MYO5B: variants seen among roughly 807,000 people sequenced by gnomAD.
MYO5B encodes unconventional myosin-Vb.
MYO5B carries 143 observed loss-of-function variants against 229.3 expected under a neutral mutation model. The ratio of observed to expected loss-of-function variants is 0.62; its 90% CI spans 0.54 to 0.72. The LOEUF is 0.72. MYO5B is among the 30% of genes least tolerant of loss of function. The probability of loss-of-function intolerance (pLI) is 0.00; values close to 1 mark genes in which losing one functional copy is unlikely to be tolerated. For missense variants in MYO5B, 2,321 were observed against 2,331.0 expected, an observed-to-expected ratio of 1.00 and a Z score of 0.09; for synonymous variants, 918 against 885.2, an observed-to-expected ratio of 1.04 and a Z score of -0.66.
intron 1 of MYO5B, among the ~76,000 whole-genome samples, chr18:50,121,117 G>T (rs985613456): frequency 6.6e-6 from 1 of 152,122 alleles, no homozygotes; most frequent in Non-Finnish European, 1.5e-5. Context: ...CCTAGTGTGG[G>T]TTCCTCCTCT....
intron 1 of MYO5B, among the ~76,000 whole-genome samples, chr18:50,059,987 G>C (rs1211001276): frequency 2.0e-5 from 3 of 152,312 alleles, no homozygotes; most frequent in African/African-American, 4.8e-5. Flanking sequence ...GACCACAGTA[G>C]CTGGGAACGA....
chr18:50,190,899 C>CATTT (rs1236674193), intron 1 of MYO5B, among the ~76,000 whole-genome samples: 1 of 152,148 alleles, frequency 6.6e-6, no homozygotes, highest in Non-Finnish European at 1.5e-5. Flanking sequence ...ATGCTGTTAG[C>CATTT]ATAATGGGTA....
intron 1 of MYO5B, among the ~76,000 whole-genome samples, chr18:50,145,295 G>C (rs759715008): frequency 3.3e-5 from 5 of 151,908 alleles, no homozygotes; most frequent in Non-Finnish European, 7.4e-5. Flanking sequence ...AGACCATCCT[G>C]GCTAACACAG....
At chr18:50,011,999 G>A (rs894436479) in intron 4 of MYO5B, among the ~76,000 whole-genome samples, 60 of 152,178 alleles carry the variant, frequency 3.9e-4, no homozygotes, top group African/African-American at 1.4e-3. Context: ...AAGAGGCAAC[G>A]CTGACTGCAG....
At chr18:50,122,633 GGGAGAGAGAGAGAGAGAGAGAGA>G (rs1380702319) in intron 1 of MYO5B, among the ~76,000 whole-genome samples, 6 of 53,792 alleles carry the variant, frequency 1.1e-4, no homozygotes, top group African/African-American at 3.0e-4. Context: ...GGAAGGGGGG[GGGAGAGAGAGAGAGAGAGAGAGA>G]GAGAGAGAGA....
At chr18:50,130,452 G>A (rs111244865) in intron 1 of MYO5B, among the ~76,000 whole-genome samples, 104 of 152,276 alleles carry the variant, frequency 6.8e-4, no homozygotes, top group African/African-American at 2.3e-3. Flanking sequence ...GGTAGCTTCT[G>A]GAGGTTACCC....
chr18:49,865,551 A>G (rs1178514276), intron 27 of MYO5B, among the ~76,000 whole-genome samples: 2 of 152,164 alleles, frequency 1.3e-5, no homozygotes, highest in Admixed American at 1.3e-4. Context: ...CCAGTGTCAC[A>G]TGCTAGAGGA....
chr18:49,895,007 C>G lies in MYO5B; in HGVS notation c.2979G>C (p.Gln993His). The change falls in exon 22 of 40, where the codon CAG becomes CAC. Residue 993 changes from glutamine to histidine, a missense_variant. This residue lies in a region of MYO5B where 2,113 missense variants were observed against 2,044.7 expected (regional missense o/e 1.03). Transcript: ENST00000285039. Reference sequence around the variant, plus strand: ...AGATCTTGCGCTCCGAGTGGGCCCTCTGCAGCTCTGTGCGCAGGCTCTCCA... The same window carrying G: ...AGATCTTGCGCTCCGAGTGGGCCCTGTGCAGCTCTGTGCGCAGGCTCTCCA... Reference protein sequence around the residue: ...EEVESLRTELQRAHSERKILE... With the variant: ...EEVESLRTELHRAHSERKILE... 1.9e-6 allele frequency: 3 copies of G among 1,613,958 alleles called. No individual in the cohort carries two copies. Among genetic ancestry groups the G allele is most frequent in the South Asian group, 1.1e-5 (1 of 91,084 alleles).
chr18:50,188,164 T>C (rs8091290), intron 1 of MYO5B, among the ~76,000 whole-genome samples: 78,022 of 152,030 alleles, frequency 0.51, 20,191 homozygotes, highest in Admixed American at 0.59. Context: ...ATTATCCCCA[T>C]ATACATCTAG....
At chr18:49,875,374 C>T (rs1038166977) in intron 26 of MYO5B, among the ~76,000 whole-genome samples, 7 of 152,162 alleles carry the variant, frequency 4.6e-5, no homozygotes, top group South Asian at 4.1e-4. Flanking sequence ...GCTGTATTTA[C>T]ACTCTTATTA....
At chr18:49,835,310 C>T (rs777819117) in intron 39 of MYO5B, 34 bp downstream of exon 39, 1 of 1,486,260 alleles carries the variant, frequency 6.7e-7, no homozygotes, top group South Asian at 1.1e-5. Flanking sequence ...TAGTCGTAGA[C>T]TGGACTTTAT....
In MYO5B at chr18:49,937,343, T is replaced by C. The variant is rs201639239; in HGVS notation, c.1807A>G (p.Thr603Ala). The change falls in exon 15 of 40, where the codon ACC becomes GCC. Residue 603 changes from threonine (T) to alanine (A), a missense_variant. By Grantham distance (58) the Thr-to-Ala change is moderately conservative. This residue lies in a region of MYO5B where 2,113 missense variants were observed against 2,044.7 expected (regional missense o/e 1.03). Coordinates refer to ENST00000285039, the MANE Select transcript of MYO5B (RefSeq NM_001080467.3). ...TTCGAAGATGACCCCTTCCCAGGGG[T>C]GGTGGCAGGAACAGGGTCCTTGTCA... ...HDDKDPVPATTPGKGSSSKIS... is the reference protein window; with the variant it reads ...HDDKDPVPATAPGKGSSSKIS... 7.7e-5 allele frequency: 125 copies of C among 1,614,060 alleles called. No homozygotes were observed. The African/African-American group carries it at 1.6e-3, about 21-fold the overall frequency.
chr18:50,159,090 G>A (rs2032725124), intron 1 of MYO5B, among the ~76,000 whole-genome samples: 1 of 152,142 alleles, frequency 6.6e-6, no homozygotes, highest in Non-Finnish European at 1.5e-5. Flanking sequence ...GAGACTCCCA[G>A]AGAAGTCAAA....
intron 16 of MYO5B, among the ~76,000 whole-genome samples, chr18:49,932,535 T>C (rs1009268275): frequency 2.6e-5 from 4 of 152,224 alleles, no homozygotes; most frequent in Non-Finnish European, 4.4e-5. Context: ...GCCTCCGCTC[T>C]GCCACTAACA....
At chr18:50,018,546 T>C (rs899363545) in intron 4 of MYO5B, among the ~76,000 whole-genome samples, 1 of 152,212 alleles carries the variant, frequency 6.6e-6, no homozygotes, top group African/African-American at 2.4e-5. Flanking sequence ...AACTCTCATA[T>C]AGCATCTTCC....
chr18:50,152,198 C>A (rs530421527), intron 1 of MYO5B, among the ~76,000 whole-genome samples: 63 of 152,184 alleles, frequency 4.1e-4, no homozygotes, highest in Non-Finnish European at 4.9e-4. Flanking sequence ...GTGCCTCCCC[C>A]ACCCCGTGTT....
chr18:49,914,820 G>A (rs1490816615), intron 17 of MYO5B, among the ~76,000 whole-genome samples: 1 of 151,506 alleles, frequency 6.6e-6, no homozygotes, highest in Admixed American at 6.6e-5. Context: ...AAAGAAACGA[G>A]TGCTGTGGAG....
chr18:49,974,128 T>G (rs1272682090), intron 10 of MYO5B, among the ~76,000 whole-genome samples: 2 of 152,198 alleles, frequency 1.3e-5, no homozygotes, highest in Admixed American at 1.3e-4. Flanking sequence ...GACAGGTCCA[T>G]TCTTGCTTGG....
intron 1 of MYO5B, among the ~76,000 whole-genome samples, chr18:50,128,677 C>T (rs528677413): frequency 6.6e-6 from 1 of 152,266 alleles, no homozygotes; most frequent in East Asian, 1.9e-4. Flanking sequence ...GGCCAAAGAG[C>T]CCAGGGAGAA....
Sources: allele counts gnomAD v4.1 joint callset (sites outside exome capture counted in the v4.1 genomes callset), GRCh38; gene constraint gnomAD v4.1.1; regional missense constraint gnomAD v4.1.1; transcripts MANE v1.5; gene names NCBI Gene and HGNC (gene_info 2026-07-23, HGNC 2026-07-21).